The following CSNK2A2IP variants were observed in gnomAD, a reference collection of about 807,000 sequenced individuals.
CSNK2A2IP encodes casein kinase 2 subunit alpha' interacting protein.
the CSNK2A2IP span, among the ~76,000 whole-genome samples, chr3:88,370,131 C>A: frequency 1.3e-5 from 2 of 151,892 alleles, no homozygotes; most frequent in African/African-American, 4.8e-5. Context: ...GATTTCAGAG[C>A]CACTATAACA....
chr3:88,385,090 G>T, the CSNK2A2IP span, among the ~76,000 whole-genome samples: 1 of 152,148 alleles, frequency 6.6e-6, no homozygotes, highest in African/African-American at 2.4e-5. Flanking sequence ...ATAGCATAAA[G>T]ATATTCCATA....
the CSNK2A2IP span, among the ~76,000 whole-genome samples, chr3:88,440,640 G>A: frequency 5.3e-5 from 8 of 152,112 alleles, no homozygotes; most frequent in Non-Finnish European, 1.2e-4. Context: ...TCTTAAATGT[G>A]TTTCATCCAA....
chr3:88,366,538 A>T, the CSNK2A2IP span, among the ~76,000 whole-genome samples: 1 of 152,158 alleles, frequency 6.6e-6, no homozygotes, highest in Non-Finnish European at 1.5e-5. Context: ...TCCTCAAGCT[A>T]TAATTCTGTG....
At chr3:88,407,139 G>A in the CSNK2A2IP span, among the ~76,000 whole-genome samples, 1 of 152,048 alleles carries the variant, frequency 6.6e-6, no homozygotes, top group South Asian at 2.1e-4. Flanking sequence ...GAAAACAGGA[G>A]CTTTTCAATC....
chr3:88,457,244 A>C, the CSNK2A2IP span, among the ~76,000 whole-genome samples: 1 of 152,090 alleles, frequency 6.6e-6, no homozygotes, highest in African/African-American at 2.4e-5. Flanking sequence ...TATTTTGTCA[A>C]ATTTGGTCTT....
At chr3:88,377,553 T>C in the CSNK2A2IP span, among the ~76,000 whole-genome samples, 1 of 151,778 alleles carries the variant, frequency 6.6e-6, no homozygotes, top group African/African-American at 2.4e-5. Flanking sequence ...TGTTGATGGC[T>C]TAACTTTCTT....
chr3:88,399,933 T>C, the CSNK2A2IP span: 8 of 152,208 alleles, frequency 5.3e-5, no homozygotes, highest in Admixed American at 5.2e-4. Flanking sequence ...CAATGCACAA[T>C]AGAATGAATA....
chr3:88,384,018 T>C, the CSNK2A2IP span, among the ~76,000 whole-genome samples: 1 of 152,130 alleles, frequency 6.6e-6, no homozygotes. Context: ...GAATATAGAA[T>C]ATAATAACTT....
the CSNK2A2IP span, among the ~76,000 whole-genome samples, chr3:88,432,295 T>A: frequency 2.1e-3 from 322 of 152,046 alleles, 2 homozygotes; most frequent in African/African-American, 7.3e-3. Context: ...AGTAATTATT[T>A]AATTCCATAT....
At chr3:88,445,215 G>T in the CSNK2A2IP span, among the ~76,000 whole-genome samples, 1 of 144,168 alleles carries the variant, frequency 6.9e-6, no homozygotes, top group African/African-American at 2.6e-5. Flanking sequence ...AATCACTTGA[G>T]GTCAGGAGTT....
chr3:88,417,154 T>C, the CSNK2A2IP span, among the ~76,000 whole-genome samples: 225 of 152,264 alleles, frequency 1.5e-3, no homozygotes, highest in African/African-American at 4.6e-3. Flanking sequence ...ACTGCGTTGA[T>C]AGACACACAG....
chr3:88,349,313 G>A, the CSNK2A2IP span, among the ~76,000 whole-genome samples: 1 of 151,818 alleles, frequency 6.6e-6, no homozygotes, highest in African/African-American at 2.4e-5. Flanking sequence ...AGTCTCCACA[G>A]TCCACTATAT....
the CSNK2A2IP span, among the ~76,000 whole-genome samples, chr3:88,406,347 G>C: frequency 1.3e-5 from 2 of 152,118 alleles, no homozygotes; most frequent in African/African-American, 4.8e-5. Context: ...AGAATTCAAT[G>C]AGTACAATTC....
the CSNK2A2IP span, among the ~76,000 whole-genome samples, chr3:88,340,737 A>G: frequency 1.3e-5 from 2 of 151,980 alleles, no homozygotes; most frequent in Non-Finnish European, 2.9e-5. Context: ...AATTGATACA[A>G]ACTGTCTGTA....
At chr3:88,342,567 T>C in the CSNK2A2IP span, among the ~76,000 whole-genome samples, 2 of 151,960 alleles carry the variant, frequency 1.3e-5, no homozygotes, top group African/African-American at 4.8e-5. Flanking sequence ...GGATCATTTA[T>C]TGGTCAATTA....
chr3:88,374,194 A>G, the CSNK2A2IP span, among the ~76,000 whole-genome samples: 3 of 151,700 alleles, frequency 2.0e-5, no homozygotes, highest in Non-Finnish European at 4.4e-5. Context: ...GGTGAATTAA[A>G]TTAAGGTTGT....
At chr3:88,373,321 T>G in the CSNK2A2IP span, among the ~76,000 whole-genome samples, 2 of 151,362 alleles carry the variant, frequency 1.3e-5, no homozygotes, top group Non-Finnish European at 3.0e-5. Context: ...AAATTAATAG[T>G]AAAGACATAT....
chr3:88,380,506 C>T, the CSNK2A2IP span, among the ~76,000 whole-genome samples: 1 of 151,280 alleles, frequency 6.6e-6, no homozygotes, highest in East Asian at 1.9e-4. Flanking sequence ...CTTAGAATAT[C>T]ATTTATTAAG....
chr3:88,443,569 C>A, the CSNK2A2IP span, among the ~76,000 whole-genome samples: 2,067 of 152,066 alleles, frequency 0.014, 39 homozygotes, highest in African/African-American at 0.048. Context: ...GTTATTTATT[C>A]TTTAAAGATA....
Sources: allele counts gnomAD v4.1 joint callset (sites outside exome capture counted in the v4.1 genomes callset), GRCh38; gene constraint gnomAD v4.1.1; transcripts MANE v1.5; gene names NCBI Gene and HGNC (gene_info 2026-07-23, HGNC 2026-07-21).